Variants in SLCO6A1 observed in about 807,000 individuals in gnomAD.
SLCO6A1 encodes solute carrier organic anion transporter family member 6A1.
In SLCO6A1, 65 loss-of-function variants were observed where a neutral mutation model predicts 72.7. The ratio of observed to expected loss-of-function variants is 0.89; its 90% CI spans 0.73 to 1.10. SLCO6A1 has a LOEUF of 1.10. Ranked by LOEUF, SLCO6A1 falls within the 50% of genes least tolerant of loss-of-function variation. SLCO6A1 has a pLI of 0.00. For missense variants in SLCO6A1, 874 were observed against 872.6 expected, an observed-to-expected ratio of 1.00 and a Z score of -0.02; for synonymous variants, 314 against 298.2, an observed-to-expected ratio of 1.05 and a Z score of -0.55.
intron 8 of SLCO6A1, among the ~76,000 whole-genome samples, chr5:102,416,100 G>A (rs1046538838): frequency 6.6e-5 from 10 of 151,936 alleles, no homozygotes; most frequent in African/African-American, 1.7e-4. Context: ...GCTTCTACAC[G>A]GTTGGTGGGA....
At chr5:102,398,740 T>C (rs781684876) in intron 10 of SLCO6A1, among the ~76,000 whole-genome samples, 1 of 152,168 alleles carries the variant, frequency 6.6e-6, no homozygotes, top group Non-Finnish European at 1.5e-5. Flanking sequence ...TATCCTGTCA[T>C]AGCAGACTTT....
At chr5:102,386,532 G>A (rs181392071) in intron 12 of SLCO6A1, among the ~76,000 whole-genome samples, 1 of 152,182 alleles carries the variant, frequency 6.6e-6, no homozygotes, top group Admixed American at 6.5e-5. Flanking sequence ...GAATACAGGG[G>A]ACAGGTCTGG....
At chr5:102,409,509 T>G (rs1326825536) in intron 9 of SLCO6A1, among the ~76,000 whole-genome samples, 3 of 152,292 alleles carry the variant, frequency 2.0e-5, no homozygotes, top group Middle Eastern at 3.4e-3. Flanking sequence ...TATCGATCTT[T>G]TCCCATTTGA....
At chr5:102,424,689 G>C (rs1748794443) in intron 7 of SLCO6A1, among the ~76,000 whole-genome samples, 2 of 152,010 alleles carry the variant, frequency 1.3e-5, no homozygotes, top group Admixed American at 1.3e-4. Flanking sequence ...TTCTACAAGA[G>C]GTACAAAGAA....
chr5:102,461,224 C>A (rs776164901), intron 4 of SLCO6A1, among the ~76,000 whole-genome samples: 1 of 151,728 alleles, frequency 6.6e-6, no homozygotes, highest in African/African-American at 2.4e-5. Flanking sequence ...ACAATACTAA[C>A]AAATGTATGA....
intron 6 of SLCO6A1, among the ~76,000 whole-genome samples, chr5:102,445,749 T>C (rs991273907): frequency 2.6e-5 from 4 of 152,180 alleles, no homozygotes; most frequent in Non-Finnish European, 5.9e-5. Context: ...TTTTTGTATA[T>C]GGTGAAAGGT....
chr5:102,404,133 T>C (rs1747544074), intron 9 of SLCO6A1, among the ~76,000 whole-genome samples: 1 of 152,228 alleles, frequency 6.6e-6, no homozygotes, highest in African/African-American at 2.4e-5. Context: ...AGACTCACTA[T>C]GGAAAATACT....
intron 6 of SLCO6A1, among the ~76,000 whole-genome samples, chr5:102,446,943 C>G (rs1367708248): frequency 6.6e-6 from 1 of 152,046 alleles, no homozygotes; most frequent in African/African-American, 2.4e-5. Flanking sequence ...TTGGTAGAGA[C>G]AGAGTTTCAC....
At chr5:102,466,173 TC>T (rs1325132296) in intron 4 of SLCO6A1, among the ~76,000 whole-genome samples, 1 of 151,910 alleles carries the variant, frequency 6.6e-6, no homozygotes, top group Non-Finnish European at 1.5e-5. Context: ...ATCCTTTTCC[TC>T]CCCCCACCCT....
chr5:102,390,392 CG>C (rs1333473633), intron 11 of SLCO6A1, among the ~76,000 whole-genome samples: 2 of 152,094 alleles, frequency 1.3e-5, no homozygotes, highest in African/African-American at 4.8e-5. Flanking sequence ...CTATCAGAGC[CG>C]CACTTAGATT....
At chr5:102,462,135 A>T (rs1379317616) in intron 4 of SLCO6A1, among the ~76,000 whole-genome samples, 2 of 152,124 alleles carry the variant, frequency 1.3e-5, no homozygotes, top group African/African-American at 4.8e-5. Flanking sequence ...AACAGCTGCA[A>T]TAAAATAAAA....
intron 7 of SLCO6A1, among the ~76,000 whole-genome samples, chr5:102,437,600 T>C (rs1190500496): frequency 1.3e-5 from 2 of 152,178 alleles, no homozygotes; most frequent in African/African-American, 4.8e-5. Context: ...TTTGTCATTA[T>C]GGCCATTGAA....
In SLCO6A1 at chr5:102,413,027, G is replaced by A. The variant is rs149593558; in HGVS notation, c.1589C>T (p.Ala530Val). ...TTGTGCTTTAGAATATGTACACCCT[G>A]CAAAGCAGGGAGAAAAATATTCAAT... Reference protein sequence around the residue: ...DDIEYFSPCFAGCTYSKAQNQ... With the variant: ...DDIEYFSPCFVGCTYSKAQNQ... The change falls in exon 9 of 14, where the codon GCA becomes GTA. Residue 530 changes from alanine (A) to valine (V), a missense_variant. By Grantham distance (64) the Ala-to-Val change is moderately conservative. Coordinates refer to ENST00000506729, the MANE Select transcript of SLCO6A1 (RefSeq NM_173488.5). 34 of 1,556,782 alleles carry A rather than the reference G, an allele frequency of 2.2e-5. No individual in the cohort carries two copies. The African/African-American group carries it at 2.4e-4, about 11-fold the overall frequency.
intron 7 of SLCO6A1, among the ~76,000 whole-genome samples, chr5:102,430,130 A>C (rs77712334): frequency 0.039 from 5,931 of 152,128 alleles, 161 homozygotes; most frequent in Admixed American, 0.057. Flanking sequence ...TAGAAATATT[A>C]TTGATTTTTG....
chr5:102,414,966 A>T lies in SLCO6A1; in HGVS notation c.1473-1823T>A, dbSNP rs148575670. Among the ~76,000 whole-genome samples, 5 of 152,012 alleles carry T rather than the reference A, an allele frequency of 3.3e-5. No homozygotes were observed. In the South Asian group the frequency reaches 8.3e-4, roughly 25 times the overall value. ...TAATTAATAAGGCAAGCTTGTTTAC[A>T]ATAGGTCCAAAAAGTAAAATACCTA... On this transcript the variant is annotated intron_variant, in intron 8 of 13. Coordinates refer to ENST00000506729, the MANE Select transcript of SLCO6A1 (RefSeq NM_173488.5).
intron 9 of SLCO6A1, among the ~76,000 whole-genome samples, chr5:102,407,582 G>C (rs1485575265): frequency 6.6e-6 from 1 of 152,166 alleles, no homozygotes; most frequent in Non-Finnish European, 1.5e-5. Context: ...TTTACTTTAA[G>C]AAAGAAAGGC....
chr5:102,468,927 C>T (rs1394336442), intron 4 of SLCO6A1, among the ~76,000 whole-genome samples: 7 of 152,096 alleles, frequency 4.6e-5, no homozygotes, highest in East Asian at 3.9e-4. Context: ...ATCCTTTCCC[C>T]GTTGCTTGTT....
At chr5:102,476,965 T>G (rs879315277) in intron 3 of SLCO6A1, among the ~76,000 whole-genome samples, 3 of 152,220 alleles carry the variant, frequency 2.0e-5, no homozygotes, top group African/African-American at 7.2e-5. Context: ...TATTCTGAGA[T>G]ATAGCCAGGA....
intron 4 of SLCO6A1, among the ~76,000 whole-genome samples, chr5:102,470,229 G>T (rs1460079009): frequency 6.6e-6 from 1 of 152,146 alleles, no homozygotes; most frequent in Non-Finnish European, 1.5e-5. Flanking sequence ...GTTTCAGAAG[G>T]AATGGTACCA....
Sources: allele counts gnomAD v4.1 joint callset (sites outside exome capture counted in the v4.1 genomes callset), GRCh38; gene constraint gnomAD v4.1.1; transcripts MANE v1.5; gene names NCBI Gene and HGNC (gene_info 2026-07-23, HGNC 2026-07-21).